MEOX2: variants seen among roughly 807,000 people sequenced by gnomAD.
MEOX2 encodes homeobox protein MOX-2.
MEOX2 carries 11 observed loss-of-function variants against 27.0 expected under a neutral mutation model. The observed-to-expected ratio is 0.41, with a 90% CI of 0.26 to 0.68. The LOEUF is 0.68. MEOX2 is among the 30% of genes least tolerant of loss of function. The pLI is 0.33. For missense variants in MEOX2, 436 were observed against 385.4 expected (o/e 1.13, Z -1.10); for synonymous variants, 189 against 155.4 (o/e 1.22, Z -1.61).
At chr7:15,652,143 T>C (rs1781741056) in intron 1 of MEOX2, among the ~76,000 whole-genome samples, 1 of 152,076 alleles carries the variant, frequency 6.6e-6, no homozygotes, top group Non-Finnish European at 1.5e-5. Context: ...AATTAATTCA[T>C]TTTCGTTTGA....
chr7:15,617,951 C>G (rs1425066512), intron 2 of MEOX2, among the ~76,000 whole-genome samples: 1 of 152,038 alleles, frequency 6.6e-6, no homozygotes, highest in Non-Finnish European at 1.5e-5. Context: ...ACATATTGAA[C>G]AAGGATTAAC....
Position 15,643,710 on chromosome 7 carries a change from G to A in MEOX2, c.518-16792C>T, listed in dbSNP as rs539246616. Among the ~76,000 whole-genome samples, 670 of 152,292 alleles carry A rather than the reference G, an allele frequency of 4.4e-3. 1 individual carries two copies. The highest frequency in any genetic ancestry group is 7.6e-3 in the Non-Finnish European group (519 of 68,026). On this transcript the variant is annotated intron_variant, in intron 1 of 2. Transcript: ENST00000262041. ...CCTTCACATTACAGTTTCATGAAGG[G>A]AGGGGTGCCCAGCCGCTGTGCCCCT...
In MEOX2 at chr7:15,612,290, T is replaced by C. The variant is rs1451902442; in HGVS notation, c.*97A>G. 5.3e-6 allele frequency: 5 copies of C among 949,792 alleles called. No individual in the cohort carries two copies. Among genetic ancestry groups the C allele is most frequent in the Non-Finnish European group, 8.4e-6 (5 of 598,364 alleles). 58.8% of individuals were successfully genotyped at this position (949,792 alleles called of 1,614,324 possible). A position where few individuals can be genotyped will look rare whatever the true frequency, so the allele number is the denominator to read the frequency against. On this transcript the variant is annotated 3_prime_UTR_variant, in exon 3 of 3. Coordinates refer to ENST00000262041, the MANE Select transcript of MEOX2 (RefSeq NM_005924.5). Reference sequence around the variant, plus strand: ...TGCCTGGATTTAATAATATTAAACATCACTGCCATAGTCATCTCTCTGTGT... The same window carrying C: ...TGCCTGGATTTAATAATATTAAACACCACTGCCATAGTCATCTCTCTGTGT...
At chr7:15,636,650 G>T (rs1364552914) in intron 1 of MEOX2, among the ~76,000 whole-genome samples, 2 of 152,038 alleles carry the variant, frequency 1.3e-5, no homozygotes, top group Non-Finnish European at 2.9e-5. Context: ...AATTATACAT[G>T]CCATATAGAA....
chr7:15,672,743 T>C (rs1782123002), intron 1 of MEOX2, among the ~76,000 whole-genome samples: 1 of 151,860 alleles, frequency 6.6e-6, no homozygotes. Flanking sequence ...ATACAAAAAA[T>C]TAGCCGGGTA....
At chr7:15,636,870 C>G (rs774439278) in intron 1 of MEOX2, among the ~76,000 whole-genome samples, 1 of 151,962 alleles carries the variant, frequency 6.6e-6, no homozygotes, top group Non-Finnish European at 1.5e-5. Context: ...GGCAAAAGAG[C>G]GTGATCCCAT....
intron 2 of MEOX2, among the ~76,000 whole-genome samples, chr7:15,615,082 G>A (rs1234872785): frequency 6.6e-6 from 1 of 152,010 alleles, no homozygotes; most frequent in East Asian, 1.9e-4. Context: ...AGTAGTTGAC[G>A]GGTGTTCACA....
At chr7:15,661,223 T>C (rs1040828193) in intron 1 of MEOX2, among the ~76,000 whole-genome samples, 3 of 152,042 alleles carry the variant, frequency 2.0e-5, no homozygotes, top group African/African-American at 7.2e-5. Flanking sequence ...TGTTGATAAG[T>C]GGCTATCTTT....
intron 1 of MEOX2, among the ~76,000 whole-genome samples, chr7:15,660,549 C>T (rs913975027): frequency 1.5e-4 from 23 of 152,070 alleles, no homozygotes; most frequent in African/African-American, 5.3e-4. Flanking sequence ...TCACTAGATG[C>T]CAGTAGAACT....
At chr7:15,614,930 T>G (rs1781098852) in intron 2 of MEOX2, among the ~76,000 whole-genome samples, 1 of 152,158 alleles carries the variant, frequency 6.6e-6, no homozygotes, top group Non-Finnish European at 1.5e-5. Flanking sequence ...ATATTTAAAC[T>G]GAGATATTTC....
intron 1 of MEOX2, among the ~76,000 whole-genome samples, chr7:15,641,118 G>A (rs974847139): frequency 1.3e-5 from 2 of 151,950 alleles, no homozygotes; most frequent in Non-Finnish European, 2.9e-5. Context: ...TGTATGTCTG[G>A]TAGAATTTGG....
chr7:15,662,831 A>G (rs941934600), intron 1 of MEOX2, among the ~76,000 whole-genome samples: 2 of 152,204 alleles, frequency 1.3e-5, no homozygotes, highest in Non-Finnish European at 2.9e-5. Flanking sequence ...TGCAGGACAT[A>G]TGAAAATTTA....
At chr7:15,665,070 C>G (rs1287700698) in intron 1 of MEOX2, among the ~76,000 whole-genome samples, 3 of 151,762 alleles carry the variant, frequency 2.0e-5, no homozygotes, top group Non-Finnish European at 4.4e-5. Context: ...CACACACACA[C>G]ACACACACAC....
rs1161009244 is a variant in MEOX2 at position 15,621,247 on chromosome 7, C to G, written c.690+5499G>C. On this transcript the variant is annotated intron_variant, in intron 2 of 2. Coordinates refer to ENST00000262041, the MANE Select transcript of MEOX2 (RefSeq NM_005924.5). ...TGTAAGTTAGAAGCTAGAAGATTTA[C>G]TGGAGTGATCTGTAACTGTTCAACA... Among the ~76,000 whole-genome samples, 5 of 152,318 alleles carry G rather than the reference C, an allele frequency of 3.3e-5. No homozygotes were observed. In the South Asian group the frequency reaches 8.3e-4, roughly 25 times the overall value.
chr7:15,683,086 T>C (rs1293702113), intron 1 of MEOX2, among the ~76,000 whole-genome samples: 2 of 151,974 alleles, frequency 1.3e-5, no homozygotes, highest in Admixed American at 6.6e-5. Context: ...GCATAAAATA[T>C]ATGCTAGAGA....
In MEOX2 at chr7:15,612,249, A is replaced by C; in HGVS notation, c.*138T>G. On this transcript the variant is annotated 3_prime_UTR_variant, in exon 3 of 3. Transcript: ENST00000262041. ...TTGTGTAAACCCTCTATAAATCATGAAAAACAGATTCGAAATGCCTGGATT... is the reference window on the plus strand; with the variant it reads ...TTGTGTAAACCCTCTATAAATCATGCAAAACAGATTCGAAATGCCTGGATT... The C allele has an allele frequency of 1.4e-6, 1 of 723,354 alleles. No homozygotes were observed. The highest frequency in any genetic ancestry group is 2.7e-5 in the East Asian group (1 of 37,228). 44.8% of individuals were successfully genotyped at this position (723,354 alleles called of 1,614,324 possible). A position where few individuals can be genotyped will look rare whatever the true frequency, so the allele number is the denominator to read the frequency against.
At chr7:15,683,375 G>A (rs2115399357) in intron 1 of MEOX2, among the ~76,000 whole-genome samples, 1 of 152,022 alleles carries the variant, frequency 6.6e-6, no homozygotes, top group South Asian at 2.1e-4. Context: ...TCACTATATA[G>A]GATGACATTT....
At position 15,684,119 on chromosome 7, in the gene MEOX2, C is replaced by T. The variant is rs113482112; in HGVS notation, c.517+1767G>A. Among the ~76,000 whole-genome samples the T allele has an allele frequency of 7.4e-3, 1,126 of 152,116 alleles. 11 individuals are homozygous for T. Among genetic ancestry groups the T allele is most frequent in the African/African-American group, 0.026 (1,069 of 41,486 alleles). The stretch of plus-strand genomic sequence containing the variant: ...ATGTGCTTGTATGAAAATTGTTTGC[C>T]CTGAGAAACTTAAGGGCAATGGCTC... On this transcript the variant is annotated intron_variant, in intron 1 of 2. Transcript: ENST00000262041.
chr7:15,626,341 T>C (rs548661427), intron 2 of MEOX2, among the ~76,000 whole-genome samples: 3 of 152,186 alleles, frequency 2.0e-5, no homozygotes, highest in Admixed American at 2.0e-4. Context: ...GTGAATGTGT[T>C]ACTGCAACTT....
Sources: gnomAD v4.1 joint callset for allele counts (sites outside exome capture counted in the v4.1 genomes callset) on GRCh38, gnomAD v4.1.1 for gene constraint, MANE v1.5 for transcripts, NCBI Gene and HGNC (gene_info 2026-07-23, HGNC 2026-07-21) for gene names.